Variants in LPP observed in about 807,000 individuals in gnomAD.
LPP encodes lipoma-preferred partner.
A neutral mutation model predicts 60.4 loss-of-function variants in LPP; 38 were observed. The observed-to-expected ratio is 0.63, with a 90% confidence interval of 0.49 to 0.83. The LOEUF (loss-of-function observed/expected upper bound fraction) is 0.83, where lower values mean the gene tolerates loss of function less well. LPP is among the 40% of genes least tolerant of loss of function. The pLI, the probability that LPP is intolerant of heterozygous loss-of-function variation, is 0.00. For missense variants in LPP, 902 were observed against 783.6 expected, an observed-to-expected ratio of 1.15 and a Z score of -1.80; for synonymous variants, 328 against 290.8, an observed-to-expected ratio of 1.13 and a Z score of -1.30.
chr3:188,756,186 TAAG>T (rs899193399), intron 8 of LPP, among the ~76,000 whole-genome samples: 21 of 152,290 alleles, frequency 1.4e-4, no homozygotes, highest in Admixed American at 1.1e-3. Context: ...AGGTGAAGGA[TAAG>T]AAGAATTGTT....
At chr3:188,833,030 C>T (rs1757501175) in intron 9 of LPP, among the ~76,000 whole-genome samples, 1 of 152,210 alleles carries the variant, frequency 6.6e-6, no homozygotes, top group African/African-American at 2.4e-5. Flanking sequence ...ACTTAATGAG[C>T]CCTGCTCTGC....
intron 8 of LPP, among the ~76,000 whole-genome samples, chr3:188,744,567 C>G (rs1379677721): frequency 6.6e-6 from 1 of 152,110 alleles, no homozygotes; most frequent in East Asian, 1.9e-4. Context: ...TCCTGAGCCT[C>G]CTTGTCTTAA....
At chr3:188,800,714 T>G (rs1243859899) in intron 9 of LPP, among the ~76,000 whole-genome samples, 1 of 152,226 alleles carries the variant, frequency 6.6e-6, no homozygotes, top group East Asian at 1.9e-4. Flanking sequence ...ACCTTGAGCA[T>G]GTTCCATCTT....
Position 188,880,285 on chromosome 3 carries a change from C to G in LPP, c.*5806C>G, listed in dbSNP as rs1368204978. ...TGACCTCGTGATCCACCCGCCTCGG[C>G]CTCCCAAAGTGCTGGGATTACAGGC... On this transcript the variant is annotated 3_prime_UTR_variant, in exon 12 of 12. Coordinates refer to ENST00000617246, the MANE Select transcript of LPP (RefSeq NM_001375462.1). 1.2e-5 allele frequency: 2 copies of G among 169,738 alleles called. No individual in the cohort carries two copies. Among genetic ancestry groups the G allele is most frequent in the Non-Finnish European group, 2.6e-5 (2 of 78,054 alleles). 10.5% of individuals were successfully genotyped at this position (169,738 alleles called of 1,614,324 possible).
intron 2 of LPP, among the ~76,000 whole-genome samples, chr3:188,287,831 A>G (rs1744488067): frequency 6.6e-6 from 1 of 152,176 alleles, no homozygotes; most frequent in Admixed American, 6.5e-5. Context: ...TCATCTCTGA[A>G]AAAACATGTT....
chr3:188,272,955 G>T (rs1738314628), intron 2 of LPP, among the ~76,000 whole-genome samples: 1 of 152,194 alleles, frequency 6.6e-6, no homozygotes, highest in South Asian at 2.1e-4. Flanking sequence ...GCAGGCTAAG[G>T]AATGCTACCC....
chr3:188,329,122 G>A (rs4384940), intron 2 of LPP, among the ~76,000 whole-genome samples: 16,636 of 152,124 alleles, frequency 0.11, 1,459 homozygotes, highest in East Asian at 0.31. Flanking sequence ...AAAGGTCTAA[G>A]GGACTCCTAC....
chr3:188,575,895 G>A (rs116580249), intron 6 of LPP, among the ~76,000 whole-genome samples: 1 of 152,048 alleles, frequency 6.6e-6, no homozygotes, highest in African/African-American at 2.4e-5. Flanking sequence ...CTATGTGATT[G>A]ACTGGATTTG....
At chr3:188,218,239 C>T (rs1183314278) in intron 1 of LPP, among the ~76,000 whole-genome samples, 1 of 152,240 alleles carries the variant, frequency 6.6e-6, no homozygotes, top group Non-Finnish European at 1.5e-5. Flanking sequence ...TTCACAGTTG[C>T]TGCCCTTTGG....
intron 9 of LPP, among the ~76,000 whole-genome samples, chr3:188,821,228 A>G (rs2151448067): frequency 6.6e-6 from 1 of 151,318 alleles, no homozygotes; most frequent in South Asian, 2.1e-4. Context: ...ACATAGTTAA[A>G]AAGAAACATG....
chr3:188,403,318 C>T (rs1397257926), intron 3 of LPP, among the ~76,000 whole-genome samples: 1 of 152,156 alleles, frequency 6.6e-6, no homozygotes, highest in African/African-American at 2.4e-5. Flanking sequence ...CAGTCAGTAA[C>T]TTGGGATTAC....
At chr3:188,323,978 T>C (rs1757659991) in intron 2 of LPP, among the ~76,000 whole-genome samples, 1 of 152,242 alleles carries the variant, frequency 6.6e-6, no homozygotes, top group African/African-American at 2.4e-5. Context: ...GATTTGGAGA[T>C]AGTACATGTT....
At chr3:188,814,109 A>G (rs77923923) in intron 9 of LPP, among the ~76,000 whole-genome samples, 2,858 of 152,090 alleles carry the variant, frequency 0.019, 85 homozygotes, top group African/African-American at 0.064. Context: ...AGACCCACAC[A>G]CACATACAGA....
At position 188,737,576 on chromosome 3, in the gene LPP, C is replaced by T. The variant is rs144362128; in HGVS notation, c.1241-22537C>T. Among the ~76,000 whole-genome samples, 45 of 152,234 alleles carry T rather than the reference C, an allele frequency of 3.0e-4. No homozygotes were observed. The East Asian group carries it at 8.3e-3, about 28-fold the overall frequency. On this transcript the variant is annotated intron_variant, in intron 8 of 11. Coordinates refer to ENST00000617246, the MANE Select transcript of LPP (RefSeq NM_001375462.1). ...GATACCATCCCCCTTTCCCACTCGC[C>T]CTCAGTTGTGAGATGGAGGCAGCAA...
chr3:188,240,256 G>T (rs534389481), intron 2 of LPP: 3 of 172,094 alleles, frequency 1.7e-5, no homozygotes, highest in African/African-American at 4.7e-5. Context: ...AAGCCAAAAA[G>T]TAGTGAGGGG....
chr3:188,626,499 A>G (rs1402975092), intron 7 of LPP, among the ~76,000 whole-genome samples: 1 of 152,148 alleles, frequency 6.6e-6, no homozygotes, highest in African/African-American at 2.4e-5. Flanking sequence ...GACATAAACT[A>G]CAGATTTTTT....
chr3:188,837,374 A>G (rs922492202), intron 9 of LPP, among the ~76,000 whole-genome samples: 6 of 121,524 alleles, frequency 4.9e-5, no homozygotes, highest in Non-Finnish European at 9.9e-5. Context: ...ATGAGACTCC[A>G]TCTCAAACAT....
intron 2 of LPP, 124 bp downstream of exon 2, chr3:188,225,651 A>G (rs941439589): frequency 6.6e-6 from 1 of 152,240 alleles, no homozygotes; most frequent in African/African-American, 2.4e-5. Context: ...TGCATTAAGA[A>G]TAAGAGAAGA....
chr3:188,592,557 G>GTTGTTGTTTGTTTTTTTTTTTTTT (rs1553936334), intron 6 of LPP, among the ~76,000 whole-genome samples: 80 of 85,780 alleles, frequency 9.3e-4, no homozygotes, highest in South Asian at 4.0e-3. Flanking sequence ...TTTTGTTTTT[G>GTTGTTGTTTGTTTTTTTTTTTTTT]TTTTTTAAAT....
Sources: allele counts gnomAD v4.1 joint callset (sites outside exome capture counted in the v4.1 genomes callset), GRCh38; gene constraint gnomAD v4.1.1; transcripts MANE v1.5; gene names NCBI Gene and HGNC (gene_info 2026-07-23, HGNC 2026-07-21).